DLGAP2: variants seen among roughly 807,000 people sequenced by gnomAD.
DLGAP2 encodes disks large-associated protein 2.
Under a neutral mutation model 100.3 loss-of-function variants are expected in DLGAP2, and 26 were observed. That is an observed-to-expected ratio of 0.26 (90% CI 0.19 to 0.36). DLGAP2 has a LOEUF of 0.36. Ranked by LOEUF, DLGAP2 falls within the 10% of genes least tolerant of loss-of-function variation. The probability of loss-of-function intolerance (pLI) is 1.00; values close to 1 mark genes in which losing one functional copy is unlikely to be tolerated. For synonymous variants in DLGAP2, 886 were observed against 630.1 expected, an observed-to-expected ratio of 1.41 and a Z score of -6.08; for missense variants, 1,858 against 1,453.2, an observed-to-expected ratio of 1.28 and a Z score of -4.53.
Position 849,504 on chromosome 8 carries a change from G to A in DLGAP2, c.19-58408G>A, listed in dbSNP as rs919598750. On this transcript the variant is annotated intron_variant, in intron 1 of 14. Transcript: ENST00000637795. ...AGTGGCTGTGTCAATGGTAGTGTAT[G>A]TTTAACTTTATGAGAAGCTGCCAAG... 2.6e-5 allele frequency among the ~76,000 whole-genome samples: 4 copies of A among 152,178 alleles called. No individual in the cohort carries two copies. The East Asian group carries it at 7.7e-4, about 29-fold the overall frequency.
chr8:1,619,595 G>A (rs560777402), intron 6 of DLGAP2: 44 of 152,234 alleles, frequency 2.9e-4, no homozygotes, highest in Admixed American at 2.7e-3. Flanking sequence ...CTAAAATCTC[G>A]AGTCACAATA....
chr8:1,562,511 TGGG>T (rs1172459269), intron 5 of DLGAP2, among the ~76,000 whole-genome samples: 1 of 40,616 alleles, frequency 2.5e-5, no homozygotes, highest in South Asian at 1.9e-3. Flanking sequence ...TGTGTGGTGT[TGGG>T]GTGTCCGCGC....
At chr8:1,641,712 AG>A (rs1440128379) in intron 8 of DLGAP2, among the ~76,000 whole-genome samples, 49 of 152,254 alleles carry the variant, frequency 3.2e-4, no homozygotes, top group African/African-American at 1.2e-3. Context: ...ACTGTAAGAA[AG>A]GATTCCTAAT....
At chr8:1,056,494 G>C (rs922458344) in intron 2 of DLGAP2, among the ~76,000 whole-genome samples, 3 of 152,014 alleles carry the variant, frequency 2.0e-5, no homozygotes, top group Non-Finnish European at 2.9e-5. Flanking sequence ...CCATTCTTTA[G>C]TCTCTTGTTT....
chr8:1,469,086 GTCATTCAT>G (rs1473628413), intron 3 of DLGAP2, among the ~76,000 whole-genome samples: 1 of 151,850 alleles, frequency 6.6e-6, no homozygotes, highest in Non-Finnish European at 1.5e-5. Flanking sequence ...GACATGTCCT[GTCATTCAT>G]TCTATGAAAG....
chr8:1,119,189 G>T (rs911681614), intron 2 of DLGAP2, among the ~76,000 whole-genome samples: 1 of 152,192 alleles, frequency 6.6e-6, no homozygotes, highest in African/African-American at 2.4e-5. Context: ...CATCCTTCCC[G>T]CACTTAAGGC....
At chr8:1,329,692 G>C (rs937261328) in intron 3 of DLGAP2, among the ~76,000 whole-genome samples, 3 of 152,142 alleles carry the variant, frequency 2.0e-5, no homozygotes, top group Non-Finnish European at 4.4e-5. Flanking sequence ...GGTGAATGAA[G>C]ATGAGCCGTG....
At chr8:834,215 C>T (rs1338201138) in intron 1 of DLGAP2, among the ~76,000 whole-genome samples, 2 of 152,192 alleles carry the variant, frequency 1.3e-5, no homozygotes, top group Non-Finnish European at 2.9e-5. Flanking sequence ...CTGACGAGTC[C>T]CAGTAGAGCA....
chr8:1,665,981 G>T (rs955856040), intron 8 of DLGAP2, among the ~76,000 whole-genome samples: 4 of 152,168 alleles, frequency 2.6e-5, no homozygotes, highest in African/African-American at 9.7e-5. Flanking sequence ...GTGAAACACT[G>T]CCAGGAAAGG....
At chr8:947,450 C>G (rs925795479) in intron 2 of DLGAP2, among the ~76,000 whole-genome samples, 4 of 152,230 alleles carry the variant, frequency 2.6e-5, no homozygotes, top group African/African-American at 9.6e-5. Flanking sequence ...CCGCGCGGCT[C>G]AGCCCTGCCC....
At chr8:964,289 C>T (rs984159084) in intron 2 of DLGAP2, among the ~76,000 whole-genome samples, 5 of 152,184 alleles carry the variant, frequency 3.3e-5, no homozygotes, top group African/African-American at 4.8e-5. Flanking sequence ...AAAAGTGCTT[C>T]ACAGAGGGCT....
At chr8:960,235 A>ATTTTTTTTTTTTTTTTTTTTTTTTTTT (rs1209692955) in intron 2 of DLGAP2, among the ~76,000 whole-genome samples, 1 of 8,344 alleles carries the variant, frequency 1.2e-4, no homozygotes, top group African/African-American at 4.3e-4. Context: ...CCTGAAGTAT[A>ATTTTTTTTTTTTTTTTTTTTTTTTTTT]TCTTTTTTTT....
At chr8:1,312,431 G>A (rs1016473281) in intron 3 of DLGAP2, among the ~76,000 whole-genome samples, 1 of 152,152 alleles carries the variant, frequency 6.6e-6, no homozygotes, top group Non-Finnish European at 1.5e-5. Context: ...TGCAAATCAC[G>A]TATCCAGTAA....
At chr8:1,233,092 T>C (rs933019535) in intron 2 of DLGAP2, among the ~76,000 whole-genome samples, 41 of 152,348 alleles carry the variant, frequency 2.7e-4, no homozygotes, top group Non-Finnish European at 1.0e-4. Context: ...TTCATCCATG[T>C]GGTAGCAGTG....
At chr8:1,189,631 G>A (rs117108466) in intron 2 of DLGAP2, among the ~76,000 whole-genome samples, 7 of 152,344 alleles carry the variant, frequency 4.6e-5, no homozygotes, top group East Asian at 1.9e-4. Context: ...AGCAGTTGAC[G>A]TGTGACATCC....
chr8:829,947 C>G lies in DLGAP2; in HGVS notation c.19-77965C>G, dbSNP rs1271936971. Among the ~76,000 whole-genome samples, 4 of 152,126 alleles carry G rather than the reference C, an allele frequency of 2.6e-5. No individual in the cohort carries two copies. The East Asian group carries it at 7.7e-4, about 29-fold the overall frequency. ...GTTATTGACAACAATGTTCAATTCT[C>G]CAGTGATATAAATAATGCTTGGATA... On this transcript the variant is annotated intron_variant, in intron 1 of 14. Coordinates refer to ENST00000637795, the MANE Select transcript of DLGAP2 (RefSeq NM_001346810.2).
chr8:1,313,547 T>TG (rs1483018709), intron 3 of DLGAP2, among the ~76,000 whole-genome samples: 9 of 152,172 alleles, frequency 5.9e-5, no homozygotes, highest in African/African-American at 2.2e-4. Context: ...GTAGTGAGGC[T>TG]GGGTTCCTCA....
Position 1,044,667 on chromosome 8 carries a change from A to G in DLGAP2, c.73+136701A>G, listed in dbSNP as rs529480518. Reference sequence around the variant, plus strand: ...TTCTCAGTAGATGACTTCGATTCCCATTGCACTAAAAGACTAGAAGCTATC... The same window carrying G: ...TTCTCAGTAGATGACTTCGATTCCCGTTGCACTAAAAGACTAGAAGCTATC... On this transcript the variant is annotated intron_variant, in intron 2 of 14. Transcript: ENST00000637795. Among the ~76,000 whole-genome samples, 163 of 152,258 alleles carry G rather than the reference A, an allele frequency of 1.1e-3. 1 individual carries two copies. Among genetic ancestry groups the G allele is most frequent in the African/African-American group, 3.9e-3 (160 of 41,552 alleles).
At chr8:1,298,407 C>G (rs1210904820) in intron 3 of DLGAP2, among the ~76,000 whole-genome samples, 1 of 152,170 alleles carries the variant, frequency 6.6e-6, no homozygotes. Context: ...AGTGGAGACA[C>G]CAGGAAGCCC....
Sources: allele counts gnomAD v4.1 joint callset (sites outside exome capture counted in the v4.1 genomes callset), GRCh38; gene constraint gnomAD v4.1.1; transcripts MANE v1.5; gene names NCBI Gene and HGNC (gene_info 2026-07-23, HGNC 2026-07-21).